The following REPS1 variants were observed in gnomAD, a reference collection of about 807,000 sequenced individuals.
REPS1 encodes the protein ralBP1-associated Eps domain-containing protein 1.
Under a neutral mutation model 100.9 loss-of-function variants are expected in REPS1, and 39 were observed. The observed-to-expected ratio is 0.39, with a 90% CI of 0.30 to 0.50. REPS1 has a LOEUF of 0.50. Ranked by LOEUF, REPS1 falls within the 20% of genes least tolerant of loss-of-function variation. The pLI is 0.86. For synonymous variants in REPS1, 324 were observed against 340.3 expected, an observed-to-expected ratio of 0.95 and a Z score of 0.53; for missense variants, 821 against 968.5, an observed-to-expected ratio of 0.85 and a Z score of 2.02.
chr6:138,975,615 C>G (rs560948686), intron 1 of REPS1, among the ~76,000 whole-genome samples: 1 of 152,188 alleles, frequency 6.6e-6, no homozygotes, highest in Non-Finnish European at 1.5e-5. Flanking sequence ...GGAGGATCAC[C>G]TGAGGTTAGG....
intron 8 of REPS1, among the ~76,000 whole-genome samples, chr6:138,936,590 G>T (rs73561653): frequency 0.062 from 8,694 of 141,298 alleles, 545 homozygotes; most frequent in East Asian, 0.19. Flanking sequence ...ACGGCAGGGT[G>T]GGGGGGGAGA....
intron 1 of REPS1, among the ~76,000 whole-genome samples, chr6:138,968,092 G>A (rs1157097212): frequency 6.6e-6 from 1 of 152,212 alleles, no homozygotes; most frequent in African/African-American, 2.4e-5. Context: ...TTACTGGAAT[G>A]TGATTCCATC....
Position 138,977,394 on chromosome 6 carries a change from C to T in REPS1, c.153+10136G>A, listed in dbSNP as rs926738223. Among the ~76,000 whole-genome samples the T allele has an allele frequency of 3.9e-5, 6 of 152,174 alleles. No individual in the cohort carries two copies. The East Asian group carries it at 5.8e-4, about 15-fold the overall frequency. ...TGTCACCCAGGCTGGAGTGTACTGG[C>T]GTGAACACAGCTCACTGCAGCCTCA... On this transcript the variant is annotated intron_variant, in intron 1 of 19. Coordinates refer to ENST00000450536, the MANE Select transcript of REPS1 (RefSeq NM_001286611.2).
intron 10 of REPS1, among the ~76,000 whole-genome samples, 188 bp from the exon 11 acceptor site, chr6:138,921,312 T>C (rs1780737951): frequency 6.6e-6 from 1 of 151,822 alleles, no homozygotes; most frequent in East Asian, 1.9e-4. Context: ...TCACTATATA[T>C]GCCTAGTATC....
At chr6:138,947,035 G>GCTCTCTCTCTCTCTCTCTCTCTCTCTCT (rs10581264) in intron 2 of REPS1, among the ~76,000 whole-genome samples, 3 of 137,718 alleles carry the variant, frequency 2.2e-5, no homozygotes, top group African/African-American at 8.4e-5. Flanking sequence ...ATTCCCCCTT[G>GCTCTCTCTCTCTCTCTCTCTCTCTCTCT]CTCTCTCTCT....
chr6:138,983,425 A>G (rs1785067853), intron 1 of REPS1, among the ~76,000 whole-genome samples: 1 of 152,204 alleles, frequency 6.6e-6, no homozygotes, highest in African/African-American at 2.4e-5. Flanking sequence ...ACTGCACTCC[A>G]GCCTGGGCAA....
chr6:138,986,787 TA>T (rs112843204), intron 1 of REPS1, among the ~76,000 whole-genome samples: 12,826 of 152,138 alleles, frequency 0.084, 1,161 homozygotes, highest in African/African-American at 0.23. Flanking sequence ...GCAGATATGA[TA>T]AAAAAAGGCT....
At chr6:138,933,925 A>G (rs1471163465) in intron 8 of REPS1, among the ~76,000 whole-genome samples, 1 of 152,190 alleles carries the variant, frequency 6.6e-6, no homozygotes, top group Non-Finnish European at 1.5e-5. Context: ...CATTGAAATA[A>G]ACGACGACGA....
intron 1 of REPS1, among the ~76,000 whole-genome samples, chr6:138,970,612 T>C (rs890302231): frequency 2.0e-5 from 3 of 151,882 alleles, no homozygotes; most frequent in Non-Finnish European, 2.9e-5. Context: ...CGAAACCCTA[T>C]CTCTAATAAA....
intron 1 of REPS1, among the ~76,000 whole-genome samples, chr6:138,950,712 T>G (rs1458828027): frequency 1.3e-5 from 2 of 152,204 alleles, no homozygotes; most frequent in African/African-American, 2.4e-5. Flanking sequence ...ATTTAGAAAT[T>G]TTTGAATTAT....
At chr6:138,987,433 C>G in intron 1 of REPS1, 97 bp downstream of exon 1, 4 of 1,282,538 alleles carry the variant, frequency 3.1e-6, no homozygotes, top group Non-Finnish European at 4.1e-6. Context: ...AGGAACCAGC[C>G]CCCCGCCGGG....
intron 1 of REPS1, among the ~76,000 whole-genome samples, chr6:138,976,947 T>G (rs559170990): frequency 6.6e-6 from 1 of 152,324 alleles, no homozygotes; most frequent in African/African-American, 2.4e-5. Flanking sequence ...AAATGCCAGA[T>G]TACATTATGC....
At position 138,922,903 on chromosome 6, in the gene REPS1, T is replaced by C. The variant is rs116670628; in HGVS notation, c.1339-1779A>G. 7.1e-3 allele frequency among the ~76,000 whole-genome samples: 1,077 copies of C among 152,354 alleles called. 11 individuals carry two copies. The highest frequency in any genetic ancestry group is 0.024 in the African/African-American group (994 of 41,572). ...AGCGAAGTTCCAGCATACCCTCTCTTATCTGACATATCTCCTTGCCTTATG... is the reference window on the plus strand; with the variant it reads ...AGCGAAGTTCCAGCATACCCTCTCTCATCTGACATATCTCCTTGCCTTATG... On this transcript the variant is annotated intron_variant, in intron 10 of 19. Coordinates refer to ENST00000450536, the MANE Select transcript of REPS1 (RefSeq NM_001286611.2).
intron 1 of REPS1, among the ~76,000 whole-genome samples, chr6:138,987,053 C>G (rs549319244): frequency 3.9e-5 from 6 of 152,262 alleles, no homozygotes; most frequent in African/African-American, 1.4e-4. Context: ...ATTTTGCTTC[C>G]TTTAAAAAAA....
At chr6:138,964,659 A>G (rs1407047239) in intron 1 of REPS1, among the ~76,000 whole-genome samples, 1 of 152,052 alleles carries the variant, frequency 6.6e-6, no homozygotes, top group African/African-American at 2.4e-5. Flanking sequence ...GAAAAATTAC[A>G]TAAGTACGAG....
At chr6:138,977,323 T>C (rs1784650367) in intron 1 of REPS1, among the ~76,000 whole-genome samples, 2 of 152,200 alleles carry the variant, frequency 1.3e-5, no homozygotes, top group African/African-American at 2.4e-5. Flanking sequence ...TCTTTTGTAT[T>C]TGGTTTGACA....
intron 16 of REPS1, among the ~76,000 whole-genome samples, chr6:138,911,628 G>A (rs1179965617): frequency 6.6e-6 from 1 of 151,550 alleles, no homozygotes; most frequent in African/African-American, 2.4e-5. Context: ...TGAGGGAGAG[G>A]AGGACAGAGC....
intron 1 of REPS1, among the ~76,000 whole-genome samples, chr6:138,972,433 C>A (rs1441433475): frequency 6.6e-6 from 1 of 152,080 alleles, no homozygotes; most frequent in Non-Finnish European, 1.5e-5. Context: ...GCTTTTAAGG[C>A]TGATTACGCA....
Position 138,988,034 on chromosome 6 carries a change from G to A in REPS1, c.-352C>T, listed in dbSNP as rs116186684. 21,572 of 397,134 alleles carry A rather than the reference G, an allele frequency of 0.054. 1,430 individuals carry two copies. Among genetic ancestry groups the A allele is most frequent in the African/African-American group, 0.19 (9,321 of 48,618 alleles). The allele number at this position is 397,134 out of a possible 1,614,324, so 24.6% of individuals were successfully genotyped here. ...ACTGGCGGACTCCGCCCCCGCCGCGGGTTCGAGTCTCCCCGGCTCCCTGCC... is the reference window on the plus strand; with the variant it reads ...ACTGGCGGACTCCGCCCCCGCCGCGAGTTCGAGTCTCCCCGGCTCCCTGCC... On this transcript the variant is annotated 5_prime_UTR_variant, in exon 1 of 20. Transcript: ENST00000450536.
Sources: allele counts gnomAD v4.1 joint callset (sites outside exome capture counted in the v4.1 genomes callset), GRCh38; gene constraint gnomAD v4.1.1; transcripts MANE v1.5; gene names NCBI Gene and HGNC (gene_info 2026-07-23, HGNC 2026-07-21).